Variants in CD47 observed in about 807,000 individuals in gnomAD.
The protein encoded by CD47 is CD47 molecule, also known as leukocyte surface antigen CD47.
Under a neutral mutation model 44.6 loss-of-function variants are expected in CD47, and 11 were observed. That is an observed-to-expected ratio of 0.25 (90% CI 0.16 to 0.41). The LOEUF (loss-of-function observed/expected upper bound fraction) is 0.41. CD47 is among the 10% of genes least tolerant of loss of function. CD47 has a pLI of 1.00. For synonymous variants in CD47, 140 were observed against 136.3 expected (o/e 1.03, Z -0.19); for missense variants, 306 against 386.7 (o/e 0.79, Z 1.75).
chr3:108,059,203 A>G (rs1414864419), intron 5 of CD47, among the ~76,000 whole-genome samples: 3 of 152,224 alleles, frequency 2.0e-5, no homozygotes, highest in South Asian at 2.1e-4. Context: ...AAGAAGTTAT[A>G]TGGCATAATT....
At chr3:108,055,449 G>T in intron 7 of CD47, 1 of 862,114 alleles carries the variant, frequency 1.2e-6, no homozygotes, top group Non-Finnish European at 1.7e-6. Flanking sequence ...TACACAGTCA[G>T]ATTATATAAG....
chr3:108,045,975 A>G lies in CD47; in HGVS notation c.*1313T>C, dbSNP rs940382576. On this transcript the variant is annotated 3_prime_UTR_variant, in exon 11 of 11. Coordinates refer to ENST00000361309, the MANE Select transcript of CD47 (RefSeq NM_001777.4). ...TCCTGTAGGTACCCCACCTTTGTCCATACAGAAGATGCATGTGCCTATCTC... is the reference window on the plus strand; with the variant it reads ...TCCTGTAGGTACCCCACCTTTGTCCGTACAGAAGATGCATGTGCCTATCTC... The G allele has an allele frequency of 4.6e-5, 7 of 152,230 alleles. No individual in the cohort carries two copies. The highest frequency in any genetic ancestry group is 8.8e-5 in the Non-Finnish European group (6 of 68,044). 9.4% of individuals were successfully genotyped at this position (152,230 alleles called of 1,614,324 possible).
intron 7 of CD47, chr3:108,054,254 G>C (rs561520752): frequency 6.6e-6 from 1 of 152,018 alleles, no homozygotes; most frequent in African/African-American, 2.4e-5. Flanking sequence ...ATTGCTAACC[G>C]CCAAGTAACT....
At chr3:108,086,306 G>A (rs2079520177) in intron 1 of CD47, among the ~76,000 whole-genome samples, 1 of 151,882 alleles carries the variant, frequency 6.6e-6, no homozygotes, top group Non-Finnish European at 1.5e-5. Context: ...GGCAGCAAGG[G>A]AAAAGAGAAA....
intron 2 of CD47, among the ~76,000 whole-genome samples, chr3:108,076,056 AC>A (rs939770931): frequency 3.9e-5 from 6 of 152,116 alleles, no homozygotes; most frequent in African/African-American, 1.4e-4. Flanking sequence ...CTAGAACAAG[AC>A]CCCAAACTCC....
At chr3:108,067,903 C>A (rs917009842) in intron 3 of CD47, among the ~76,000 whole-genome samples, 1 of 152,134 alleles carries the variant, frequency 6.6e-6, no homozygotes, top group African/African-American at 2.4e-5. Context: ...GAAACTCTTT[C>A]TCCTCAGAGT....
intron 1 of CD47, 143 bp from the exon 2 acceptor site, chr3:108,080,487 A>G (rs764368426): frequency 3.3e-5 from 18 of 553,790 alleles, no homozygotes; most frequent in Non-Finnish European, 5.5e-5. Context: ...AAGACCTATT[A>G]GGTGAAATAT....
At chr3:108,083,779 C>T (rs1314016125) in intron 1 of CD47, among the ~76,000 whole-genome samples, 5 of 151,944 alleles carry the variant, frequency 3.3e-5, no homozygotes, top group East Asian at 1.9e-4. Context: ...TTATCCCATA[C>T]TCTCCAACAG....
At chr3:108,069,577 CT>C (rs1453106016) in intron 3 of CD47, among the ~76,000 whole-genome samples, 1 of 145,790 alleles carries the variant, frequency 6.9e-6, no homozygotes, top group Non-Finnish European at 1.5e-5. Context: ...ATATGTATGA[CT>C]TTTTTAAGTC....
chr3:108,048,890 A>G (rs1333947806), intron 10 of CD47, among the ~76,000 whole-genome samples: 1 of 152,240 alleles, frequency 6.6e-6, no homozygotes, highest in African/African-American at 2.4e-5. Flanking sequence ...AGATAAAAAC[A>G]TAAACATAAT....
At chr3:108,085,152 T>C (rs1454895346) in intron 1 of CD47, among the ~76,000 whole-genome samples, 1 of 152,066 alleles carries the variant, frequency 6.6e-6, no homozygotes, top group African/African-American at 2.4e-5. Context: ...GTTATTGCAA[T>C]TCCATGACTA....
chr3:108,061,788 C>T (rs949475817), intron 3 of CD47, among the ~76,000 whole-genome samples: 3 of 152,172 alleles, frequency 2.0e-5, no homozygotes, highest in Non-Finnish European at 4.4e-5. Flanking sequence ...GATTGAAATG[C>T]TGCTGTGTGT....
At chr3:108,088,584 G>A (rs936140818) in intron 1 of CD47, among the ~76,000 whole-genome samples, 3 of 150,970 alleles carry the variant, frequency 2.0e-5, no homozygotes, top group Non-Finnish European at 2.9e-5. Context: ...AGACTTAGAC[G>A]ATGGAAAAAA....
intron 2 of CD47, among the ~76,000 whole-genome samples, chr3:108,074,964 T>C (rs1055712726): frequency 2.0e-5 from 3 of 152,220 alleles, no homozygotes; most frequent in Non-Finnish European, 2.9e-5. Context: ...TTTGTTATGG[T>C]AGTACTGTCA....
chr3:108,071,916 G>A (rs1387088875), intron 2 of CD47, among the ~76,000 whole-genome samples: 1 of 152,150 alleles, frequency 6.6e-6, no homozygotes, highest in African/African-American at 2.4e-5. Flanking sequence ...GCATAATTAG[G>A]CTTCAGAAGG....
chr3:108,058,300 G>A, intron 6 of CD47, 37 bp downstream of exon 6: 3 of 1,235,794 alleles, frequency 2.4e-6, no homozygotes, highest in Non-Finnish European at 3.4e-6. Context: ...CTGTCCAAAA[G>A]TAACCCAAAT....
Position 108,044,425 on chromosome 3 carries a change from A to AG in CD47, c.*2862_*2863insC, listed in dbSNP as rs2078682004. ...GCATGTGAAATTAGTCAAAAAAAAA[A>AG]AAAAAAAAAAAAAAAAAAAAAACAA... On this transcript the variant is annotated 3_prime_UTR_variant, in exon 11 of 11. Transcript: ENST00000361309. 1 of 9,512 alleles carries AG rather than the reference A, an allele frequency of 1.1e-4. No individual in the cohort carries two copies. Among genetic ancestry groups the AG allele is most frequent in the Non-Finnish European group, 2.6e-4 (1 of 3,816 alleles). 0.6% of individuals were successfully genotyped at this position (9,512 alleles called of 1,614,324 possible).
intron 3 of CD47, among the ~76,000 whole-genome samples, chr3:108,062,814 G>C (rs1480908301): frequency 6.9e-6 from 1 of 144,558 alleles, no homozygotes; most frequent in Non-Finnish European, 1.5e-5. Context: ...GCTAATTTTT[G>C]AATTCTTTTT....
Position 108,045,383 on chromosome 3 carries a change from A to C in CD47, c.*1905T>G, listed in dbSNP as rs1193197129. ...TTTTAAAGTAACAAACTAGGTTAGCAAAATGTAAATATTTTCAGAAGGAAA... is the reference window on the plus strand; with the variant it reads ...TTTTAAAGTAACAAACTAGGTTAGCCAAATGTAAATATTTTCAGAAGGAAA... On this transcript the variant is annotated 3_prime_UTR_variant, in exon 11 of 11. Transcript: ENST00000361309. 1 of 152,628 alleles carries C rather than the reference A, an allele frequency of 6.6e-6. No individual in the cohort carries two copies. The highest frequency in any genetic ancestry group is 1.9e-4 in the East Asian group (1 of 5,202). The allele number at this position is 152,628 out of a possible 1,614,324, so 9.5% of individuals were successfully genotyped here. A position where few individuals can be genotyped will look rare whatever the true frequency, so the allele number is the denominator to read the frequency against.
Sources: gnomAD v4.1 joint callset for allele counts (sites outside exome capture counted in the v4.1 genomes callset) on GRCh38, gnomAD v4.1.1 for gene constraint, MANE v1.5 for transcripts, NCBI Gene and HGNC (gene_info 2026-07-23, HGNC 2026-07-21) for gene names.